Variants in RBM6 observed in about 807,000 individuals in gnomAD.
The protein encoded by RBM6 is RNA binding motif protein 6.
A neutral mutation model predicts 140.4 loss-of-function variants in RBM6; 23 were observed. That is an observed-to-expected ratio of 0.16 (90% CI 0.12 to 0.23). The LOEUF (loss-of-function observed/expected upper bound fraction) is 0.23, where lower values mean the gene tolerates loss of function less well. RBM6 is among the 10% of genes least tolerant of loss of function. RBM6 has a pLI of 1.00. For missense variants in RBM6, 1,139 were observed against 1,386.7 expected, an observed-to-expected ratio of 0.82 and a Z score of 2.84; for synonymous variants, 439 against 475.6, an observed-to-expected ratio of 0.92 and a Z score of 1.00.
chr3:50,055,166 G>A (rs1401694662), intron 8 of RBM6, among the ~76,000 whole-genome samples: 4 of 152,306 alleles, frequency 2.6e-5, no homozygotes, highest in Middle Eastern at 6.8e-3. Context: ...GGTGGCTAAC[G>A]CTTGTAATCC....
intron 7 of RBM6, chr3:50,054,106 G>A: frequency 4.2e-6 from 2 of 472,978 alleles, no homozygotes; most frequent in Non-Finnish European, 7.5e-6. Context: ...AGGCATTTGG[G>A]CTGCACCAAA....
chr3:49,944,150 A>G (rs2083394948), intron 1 of RBM6, among the ~76,000 whole-genome samples: 1 of 151,458 alleles, frequency 6.6e-6, no homozygotes, highest in Non-Finnish European at 1.5e-5. Context: ...TTGAATAGTA[A>G]CTCCCTATTC....
At chr3:49,989,895 C>T (rs1473910456) in intron 5 of RBM6, among the ~76,000 whole-genome samples, 1 of 151,960 alleles carries the variant, frequency 6.6e-6, no homozygotes, top group Non-Finnish European at 1.5e-5. Flanking sequence ...TACAGTTGCC[C>T]ACCACCACGC....
intron 5 of RBM6, among the ~76,000 whole-genome samples, chr3:49,982,634 T>TTTCAATCTCCTGA (rs2085363334): frequency 6.6e-6 from 1 of 152,012 alleles, no homozygotes. Flanking sequence ...GCCAGGCTGG[T>TTTCAATCTCCTGA]CTTGAACTCC....
chr3:50,054,103 T>TG (rs2089602157), intron 7 of RBM6: 1 of 466,328 alleles, frequency 2.1e-6, no homozygotes, highest in East Asian at 3.4e-5. Flanking sequence ...CAAAGGCATT[T>TG]GGGCTGCACC....
rs377717433 is a variant in RBM6 at position 49,972,479 on chromosome 3, T to C, written c.1413+331T>C. 1.2e-4 allele frequency among the ~76,000 whole-genome samples: 18 copies of C among 152,330 alleles called. No individual in the cohort carries two copies. In the East Asian group the frequency reaches 2.3e-3, roughly 20 times the overall value. ...TTTAGAGCATATTATTTCTGGAGTA[T>C]GTACATAAGGATGCAGTTTATTTAC... On this transcript the variant is annotated intron_variant, in intron 4 of 20. Coordinates refer to ENST00000266022, the MANE Select transcript of RBM6 (RefSeq NM_005777.3).
intron 7 of RBM6, 142 bp downstream of exon 7, chr3:50,048,461 G>A (rs1559629471): frequency 2.8e-6 from 4 of 1,450,984 alleles, no homozygotes; most frequent in Non-Finnish European, 3.6e-6. Context: ...ACAGGAGGAG[G>A]TCAAGACAAG....
intron 6 of RBM6, among the ~76,000 whole-genome samples, chr3:50,022,339 T>A (rs1399936285): frequency 6.6e-6 from 1 of 152,026 alleles, no homozygotes; most frequent in Non-Finnish European, 1.5e-5. Flanking sequence ...TTCTTTCTTT[T>A]TTTTTTTTGA....
intron 1 of RBM6, among the ~76,000 whole-genome samples, chr3:49,949,079 T>G (rs2083618531): frequency 6.6e-6 from 1 of 151,522 alleles, no homozygotes; most frequent in Non-Finnish European, 1.5e-5. Context: ...TCCGCTGGCC[T>G]CAGCCTCCCA....
At position 49,967,734 on chromosome 3, in the gene RBM6, T is replaced by C; in HGVS notation, c.309T>C (p.Ser103=). ...HDFRGGDFSS[S]DFQSRDSSQL... is the part of the protein sequence containing the mutation. Reference sequence around the variant, plus strand: ...TCAGGGGGGGAGATTTTTCGTCTTCTGATTTCCAGAGCAGAGATTCATCAC... The same window carrying C: ...TCAGGGGGGGAGATTTTTCGTCTTCCGATTTCCAGAGCAGAGATTCATCAC... Residue 103 remains serine, a synonymous_variant, in exon 3 of 21, where the codon TCT becomes TCC. Coordinates refer to ENST00000266022, the MANE Select transcript of RBM6 (RefSeq NM_005777.3). This position sits in a 1 kb window ranked among gnomAD's most constrained non-coding sequence, Gnocchi z 4.0. 1 of 1,614,164 alleles carries C rather than the reference T, an allele frequency of 6.2e-7. No individual in the cohort carries two copies. The highest frequency in any genetic ancestry group is 8.5e-7 in the Non-Finnish European group (1 of 1,180,042).
chr3:50,059,645 A>G lies in RBM6; in HGVS notation c.2131-4A>G, dbSNP rs370682589. 3.2e-4 allele frequency: 509 copies of G among 1,612,344 alleles called. No individual in the cohort carries two copies. Among genetic ancestry groups the G allele is most frequent in the Non-Finnish European group, 4.0e-4 (474 of 1,178,896 alleles). On this transcript the variant is annotated splice_polypyrimidine_tract_variant and splice_region_variant and intron_variant, in intron 10 of 20. Transcript: ENST00000266022. ...TCTGGGTTCAAGTGTGTCTGGTTCT[A>G]TAGGAAGCTCTTCGTGTGGTGAAGA...
intron 2 of RBM6, among the ~76,000 whole-genome samples, chr3:49,966,401 T>C (rs1172799631): frequency 1.3e-5 from 2 of 152,194 alleles, no homozygotes; most frequent in East Asian, 3.8e-4. Flanking sequence ...AGGTGCCTAA[T>C]TGCCTACTTA....
chr3:49,984,606 A>ATCGCATCG (rs1559552659), intron 5 of RBM6, among the ~76,000 whole-genome samples: 204 of 99,148 alleles, frequency 2.1e-3, no homozygotes, highest in African/African-American at 5.3e-3. Context: ...ACATCACATC[A>ATCGCATCG]CATCACATCG....
In RBM6 at chr3:50,075,229, A is replaced by G. The variant is rs150980315; in HGVS notation, c.3145A>G (p.Ile1049Val). The G allele has an allele frequency of 1.2e-6, 2 of 1,613,976 alleles. No individual in the cohort carries two copies. The highest frequency in any genetic ancestry group is 1.3e-5 in the African/African-American group (1 of 74,892). Residue 1049 changes from isoleucine to valine, a missense_variant, in exon 20 of 21, where the codon ATC (isoleucine) becomes GTC (valine). This residue lies in a region of RBM6 where 125 missense variants were observed against 142.0 expected (regional missense o/e 0.88). Coordinates refer to ENST00000266022, the MANE Select transcript of RBM6 (RefSeq NM_005777.3). ...SDRKLVDKED[I>V]DTSSKGGCVQ... ...TCGTAAACTTGTTGATAAAGAAGATATCGACACTAGCAGCAAAGGAGGCTG... is the reference window on the plus strand; with the variant it reads ...TCGTAAACTTGTTGATAAAGAAGATGTCGACACTAGCAGCAAAGGAGGCTG...
Position 50,061,616 on chromosome 3 carries a change from C to A in RBM6, c.2439+69C>A, listed in dbSNP as rs576298906. On this transcript the variant is annotated intron_variant, in intron 14 of 20. Coordinates refer to ENST00000266022, the MANE Select transcript of RBM6 (RefSeq NM_005777.3). ...GTCAATGATTCTTTTGAGAAAAGCACCCATAATTTGCTACTTGAGGATTTT... is the reference window on the plus strand; with the variant it reads ...GTCAATGATTCTTTTGAGAAAAGCAACCATAATTTGCTACTTGAGGATTTT... The A allele has an allele frequency of 2.0e-6, 3 of 1,527,404 alleles. No individual in the cohort carries two copies. In the South Asian group the frequency reaches 3.7e-5, roughly 19 times the overall value. The allele number at this position is 1,527,404 out of a possible 1,614,324, so 94.6% of individuals were successfully genotyped here.
At chr3:50,039,385 G>A (rs904297393) in intron 6 of RBM6, among the ~76,000 whole-genome samples, 2 of 151,744 alleles carry the variant, frequency 1.3e-5, no homozygotes, top group Non-Finnish European at 2.9e-5. Context: ...GATTAGAAGC[G>A]CCCATTACCA....
At chr3:49,963,117 A>G (rs1028168891) in intron 2 of RBM6, 1 of 152,328 alleles carries the variant, frequency 6.6e-6, no homozygotes, top group Non-Finnish European at 1.5e-5. Flanking sequence ...AAAACAAAAA[A>G]AAAAAAAGAA....
chr3:49,964,622 C>T (rs2084426415), intron 2 of RBM6, among the ~76,000 whole-genome samples: 2 of 152,160 alleles, frequency 1.3e-5, no homozygotes, highest in South Asian at 4.1e-4. Flanking sequence ...CGAACTGGCT[C>T]TTCATGGAAA....
chr3:50,034,662 G>A (rs967996332), intron 6 of RBM6, among the ~76,000 whole-genome samples: 7 of 152,242 alleles, frequency 4.6e-5, no homozygotes, highest in Admixed American at 4.6e-4. Flanking sequence ...TAGGGAGGCT[G>A]AGTCAGGAGA....
Sources: gnomAD v4.1 joint callset for allele counts (sites outside exome capture counted in the v4.1 genomes callset) on GRCh38, gnomAD v4.1.1 for gene constraint, gnomAD v4.1.1 regional missense constraint, Gnocchi (gnomAD v3.1) non-coding constraint, MANE v1.5 for transcripts, NCBI Gene and HGNC (gene_info 2026-07-23, HGNC 2026-07-21) for gene names.